CPA6: variants seen among roughly 807,000 people sequenced by gnomAD.
CPA6 encodes the protein carboxypeptidase B.
Under a neutral mutation model 63.3 loss-of-function variants are expected in CPA6, and 58 were observed. The ratio of observed to expected loss-of-function variants is 0.92; its 90% CI spans 0.74 to 1.14. The LOEUF (loss-of-function observed/expected upper bound fraction) is 1.14. Among genes scored for constraint, CPA6 ranks in the 50% most tolerant of loss-of-function variants. The pLI is 0.00. For missense variants in CPA6, 565 were observed against 526.6 expected (o/e 1.07, Z -0.71); for synonymous variants, 185 against 179.0 (o/e 1.03, Z -0.27).
At chr8:67,488,682 T>A (rs894019471) in intron 6 of CPA6, among the ~76,000 whole-genome samples, 1 of 152,252 alleles carries the variant, frequency 6.6e-6, no homozygotes, top group Non-Finnish European at 1.5e-5. Context: ...TTCCTATCCA[T>A]GAGCATGGAA....
chr8:67,583,797 A>G (rs1466550354), intron 2 of CPA6, among the ~76,000 whole-genome samples: 1 of 152,120 alleles, frequency 6.6e-6, no homozygotes, highest in African/African-American at 2.4e-5. Context: ...AAGTTGTCCT[A>G]TTAGTGCACA....
intron 8 of CPA6, among the ~76,000 whole-genome samples, chr8:67,444,280 G>C (rs1029843981): frequency 6.6e-6 from 1 of 151,918 alleles, no homozygotes; most frequent in African/African-American, 2.4e-5. Context: ...GAGCCACCGC[G>C]CCGGGACGAC....
intron 1 of CPA6, among the ~76,000 whole-genome samples, chr8:67,709,437 TGAG>T (rs1236585846): frequency 6.6e-6 from 1 of 152,236 alleles, no homozygotes; most frequent in Admixed American, 6.5e-5. Context: ...TTATTTCCTC[TGAG>T]GAGGCAAGAA....
chr8:67,628,152 G>T (rs1815235231), intron 1 of CPA6, among the ~76,000 whole-genome samples: 1 of 151,990 alleles, frequency 6.6e-6, no homozygotes, highest in Admixed American at 6.6e-5. Flanking sequence ...GGCGGAGATT[G>T]CAGTGAGCCG....
intron 2 of CPA6, among the ~76,000 whole-genome samples, chr8:67,605,754 A>G (rs940888992): frequency 1.3e-5 from 2 of 152,126 alleles, no homozygotes; most frequent in African/African-American, 4.8e-5. Flanking sequence ...CTCAAACTCA[A>G]TAGTTTTCCC....
At chr8:67,631,664 C>G (rs906695740) in intron 1 of CPA6, among the ~76,000 whole-genome samples, 2 of 152,226 alleles carry the variant, frequency 1.3e-5, no homozygotes, top group South Asian at 2.1e-4. Flanking sequence ...CACTAGGGTT[C>G]TCTTCCACCC....
chr8:67,559,056 T>A (rs1275774903), intron 2 of CPA6, among the ~76,000 whole-genome samples: 1 of 152,198 alleles, frequency 6.6e-6, no homozygotes, highest in Non-Finnish European at 1.5e-5. Context: ...CCCATGTGAA[T>A]CAGAGGGTTG....
At chr8:67,673,751 T>C (rs1388787008) in intron 1 of CPA6, among the ~76,000 whole-genome samples, 1 of 152,136 alleles carries the variant, frequency 6.6e-6, no homozygotes, top group Non-Finnish European at 1.5e-5. Context: ...AAGAGTGTGA[T>C]AGACTTAATT....
chr8:67,493,259 G>A (rs142644063), intron 6 of CPA6, among the ~76,000 whole-genome samples: 9 of 152,072 alleles, frequency 5.9e-5, no homozygotes, highest in Non-Finnish European at 1.0e-4. Context: ...CCAAGACCTT[G>A]GTGTTTCATG....
At chr8:67,652,101 C>T (rs1587671624) in intron 1 of CPA6, among the ~76,000 whole-genome samples, 1 of 152,144 alleles carries the variant, frequency 6.6e-6, no homozygotes, top group Non-Finnish European at 1.5e-5. Context: ...GCATAGTATT[C>T]CATGGTGAAC....
intron 1 of CPA6, among the ~76,000 whole-genome samples, chr8:67,683,306 G>A (rs1322308730): frequency 6.6e-6 from 1 of 152,178 alleles, no homozygotes; most frequent in Non-Finnish European, 1.5e-5. Flanking sequence ...AGCCTTTTAT[G>A]TCAATCTTTG....
chr8:67,720,774 G>T (rs971563816), intron 1 of CPA6, among the ~76,000 whole-genome samples: 8 of 152,144 alleles, frequency 5.3e-5, no homozygotes, highest in African/African-American at 1.9e-4. Flanking sequence ...TTCTTTGAAT[G>T]AAGAGCTGTG....
At chr8:67,696,752 A>G (rs552395613) in intron 1 of CPA6, among the ~76,000 whole-genome samples, 71 of 152,082 alleles carry the variant, frequency 4.7e-4, no homozygotes, top group African/African-American at 1.7e-3. Flanking sequence ...AGTAGACAGA[A>G]AAGACTACAT....
At chr8:67,569,519 T>C (rs1457719492) in intron 2 of CPA6, 2 of 447,062 alleles carry the variant, frequency 4.5e-6, no homozygotes. Context: ...GATGAATCAG[T>C]ACCAGAGCTT....
intron 1 of CPA6, among the ~76,000 whole-genome samples, chr8:67,641,668 A>G (rs1815594455): frequency 1.3e-5 from 2 of 152,218 alleles, no homozygotes; most frequent in African/African-American, 4.8e-5. Flanking sequence ...CTTTTCTTCA[A>G]AGTCAAGAAT....
At chr8:67,564,350 T>C (rs1813286656) in intron 2 of CPA6, among the ~76,000 whole-genome samples, 1 of 152,146 alleles carries the variant, frequency 6.6e-6, no homozygotes, top group African/African-American at 2.4e-5. Flanking sequence ...GGGTTTCTTT[T>C]TGGCAGCCTG....
chr8:67,546,517 T>C (rs568764283), intron 2 of CPA6, among the ~76,000 whole-genome samples: 2 of 152,240 alleles, frequency 1.3e-5, no homozygotes, highest in African/African-American at 2.4e-5. Flanking sequence ...ATCTTTATTA[T>C]GGCACTTTCA....
At chr8:67,721,374 G>A (rs562392933) in intron 1 of CPA6, among the ~76,000 whole-genome samples, 3 of 152,306 alleles carry the variant, frequency 2.0e-5, no homozygotes, top group South Asian at 2.1e-4. Flanking sequence ...AGATATTGAA[G>A]GTCTGTTGTT....
chr8:67,704,495 C>A (rs1817091611), intron 1 of CPA6, among the ~76,000 whole-genome samples: 1 of 152,200 alleles, frequency 6.6e-6, no homozygotes, highest in Non-Finnish European at 1.5e-5. Context: ...CTGAAGGCTG[C>A]AGGTGCAAGA....
Sources: gnomAD v4.1 joint callset for allele counts (sites outside exome capture counted in the v4.1 genomes callset) on GRCh38, gnomAD v4.1.1 for gene constraint, MANE v1.5 for transcripts, NCBI Gene and HGNC (gene_info 2026-07-23, HGNC 2026-07-21) for gene names.